The following KCTD1 variants were observed in gnomAD, a reference collection of about 807,000 sequenced individuals.
KCTD1 encodes potassium channel tetramerization domain containing 1.
Under a neutral mutation model 66.0 loss-of-function variants are expected in KCTD1, and 24 were observed. That is an observed-to-expected ratio of 0.36 (90% CI 0.26 to 0.51). KCTD1 has a LOEUF of 0.51. Among genes scored for constraint, KCTD1 ranks in the 20% least tolerant of loss-of-function variants. The probability of loss-of-function intolerance (pLI) is 0.95; values close to 1 mark genes in which losing one functional copy is unlikely to be tolerated. For synonymous variants in KCTD1, 511 were observed against 517.2 expected, an observed-to-expected ratio of 0.99 and a Z score of 0.16; for missense variants, 943 against 1,205.2, an observed-to-expected ratio of 0.78 and a Z score of 3.22.
chr18:26,493,785 C>A (rs1236487412), intron 2 of KCTD1, among the ~76,000 whole-genome samples: 2 of 152,154 alleles, frequency 1.3e-5, no homozygotes, highest in Non-Finnish European at 2.9e-5. Flanking sequence ...CTATCAAATA[C>A]TAGGTCTTAC....
upstream of KCTD1, among the ~76,000 whole-genome samples, chr18:26,642,103 C>G (rs919129797): frequency 1.3e-5 from 2 of 152,164 alleles, no homozygotes. Context: ...TGGGCTTGAT[C>G]TTAAATCACT....
At chr18:26,593,335 A>AGG (rs1986656991) in intron 1 of KCTD1, among the ~76,000 whole-genome samples, 1 of 144,046 alleles carries the variant, frequency 6.9e-6, no homozygotes, top group Non-Finnish European at 1.5e-5. Flanking sequence ...GAGGAGGAGG[A>AGG]AGAGGAGGAA....
chr18:26,646,901 T>A (rs1414578509), intron 1 of KCTD1, among the ~76,000 whole-genome samples: 2 of 151,994 alleles, frequency 1.3e-5, no homozygotes, highest in African/African-American at 4.8e-5. Context: ...GAAAAAAAAA[T>A]AAGAAATGCC....
At chr18:26,582,630 T>C (rs1157795327) in intron 1 of KCTD1, among the ~76,000 whole-genome samples, 1 of 152,184 alleles carries the variant, frequency 6.6e-6, no homozygotes, top group Non-Finnish European at 1.5e-5. Flanking sequence ...TCCCAAAATA[T>C]GGAAAATAAT....
intron 1 of KCTD1, among the ~76,000 whole-genome samples, chr18:26,515,285 G>A (rs187819986): frequency 9.8e-5 from 15 of 152,330 alleles, no homozygotes; most frequent in African/African-American, 3.6e-4. Flanking sequence ...GTAAGGTCCA[G>A]AGGAAGCAGA....
At chr18:26,578,057 C>CTTTTTTTTTTT (rs11381611) in intron 1 of KCTD1, among the ~76,000 whole-genome samples, 9 of 117,032 alleles carry the variant, frequency 7.7e-5, no homozygotes, top group Non-Finnish European at 1.2e-4. Flanking sequence ...TCTTTTCTTT[C>CTTTTTTTTTTT]TTTTTTTTTT....
intron 1 of KCTD1, among the ~76,000 whole-genome samples, chr18:26,563,305 A>G (rs73401472): frequency 0.083 from 12,561 of 152,254 alleles, 773 homozygotes; most frequent in African/African-American, 0.18. Flanking sequence ...GACTATTGGT[A>G]TAAGTTTGTC....
At chr18:26,500,931 C>G in intron 2 of KCTD1, 141 bp downstream of exon 2, 1 of 811,308 alleles carries the variant, frequency 1.2e-6, no homozygotes, top group Non-Finnish European at 1.9e-6. Context: ...GACATCCAGC[C>G]TAGGCAGCAG....
At chr18:26,456,225 T>C (rs1980081265) in intron 4 of KCTD1, 1 of 222,746 alleles carries the variant, frequency 4.5e-6, no homozygotes, top group African/African-American at 2.3e-5. Flanking sequence ...TCAGGTCTGT[T>C]TGGCCTCAAA....
At chr18:26,636,457 C>T (rs1291121595) in intron 1 of KCTD1, among the ~76,000 whole-genome samples, 2 of 152,186 alleles carry the variant, frequency 1.3e-5, no homozygotes, top group East Asian at 3.9e-4. Context: ...TCCTTCCCTG[C>T]TGCCTGAGAC....
chr18:26,549,493 C>A (rs958682700), upstream of KCTD1: 1 of 975,054 alleles, frequency 1.0e-6, no homozygotes, highest in Non-Finnish European at 1.2e-6. Flanking sequence ...GGAGGGGAGA[C>A]GAGGGAAGAG....
chr18:26,628,554 C>T (rs1987550914), intron 1 of KCTD1, among the ~76,000 whole-genome samples: 1 of 151,596 alleles, frequency 6.6e-6, no homozygotes, highest in South Asian at 2.1e-4. Flanking sequence ...AAGCAGTTTG[C>T]ATTTGGGAAA....
intron 1 of KCTD1, among the ~76,000 whole-genome samples, chr18:26,645,963 G>C (rs535183995): frequency 1.3e-5 from 2 of 152,266 alleles, no homozygotes; most frequent in African/African-American, 4.8e-5. Context: ...AAATACTTTG[G>C]GAAGGCTGAT....
At chr18:26,571,618 GTAT>G (rs10573877) in intron 1 of KCTD1, among the ~76,000 whole-genome samples, 12,605 of 151,990 alleles carry the variant, frequency 0.083, 1,299 homozygotes, top group African/African-American at 0.25. Context: ...TTTAATTGTT[GTAT>G]TATTATTTTT....
rs1389784976 is a variant in KCTD1 at position 26,547,910 on chromosome 18, G to C, written c.627C>G (p.Arg209=). The change falls in exon 1 of 5, where the codon CGC becomes CGG. Residue 209 remains arginine (R), a synonymous_variant. Coordinates refer to ENST00000580059, the MANE Select transcript of KCTD1 (RefSeq NM_001142730.3). The part of the protein sequence containing the change: ...MDKGALCRVL[R]SFYAEARSKS... ...TGGAGCGGGCCTCGGCATAGAAGGA[G>C]CGCAGCACGCGGCACAGCGCCCCCT... 1 of 1,543,792 alleles carries C rather than the reference G, an allele frequency of 6.5e-7. No homozygotes were observed. The highest frequency in any genetic ancestry group is 1.7e-4 in the Middle Eastern group (1 of 5,992).
Position 26,476,750 on chromosome 18 carries a change from G to A in KCTD1, c.1989-91C>T. 8.4e-7 allele frequency: 1 copy of A among 1,194,202 alleles called. No homozygotes were observed. The highest frequency in any genetic ancestry group is 1.2e-6 in the Non-Finnish European group (1 of 834,182). 74.0% of individuals were successfully genotyped at this position (1,194,202 alleles called of 1,614,324 possible). ...GTGTCTTTTATCACTGTCAAAGGTA[G>A]CACTTTTGAAGATGGCAGTAGGGAA... On this transcript the variant is annotated intron_variant, in intron 2 of 4. Coordinates refer to ENST00000580059, the MANE Select transcript of KCTD1 (RefSeq NM_001142730.3). The surrounding 1 kb of genome is among the most constrained non-coding windows in gnomAD (Gnocchi z 4.9).
intron 1 of KCTD1, among the ~76,000 whole-genome samples, chr18:26,598,864 G>T (rs1261376710): frequency 6.6e-6 from 1 of 152,102 alleles, no homozygotes; most frequent in Non-Finnish European, 1.5e-5. Flanking sequence ...TTGATGAGTT[G>T]TGAGGGTTCT....
chr18:26,637,482 C>T (rs2145056969), intron 1 of KCTD1, among the ~76,000 whole-genome samples: 1 of 152,304 alleles, frequency 6.6e-6, no homozygotes, highest in South Asian at 2.1e-4. Context: ...TGTGTTAAGG[C>T]TTCTATTATG....
chr18:26,480,222 AATGAACCCCC>A (rs142580169), intron 2 of KCTD1, among the ~76,000 whole-genome samples: 8,405 of 152,156 alleles, frequency 0.055, 754 homozygotes, highest in East Asian at 0.41. Context: ...AAAATAATAG[AATGAACCCCC>A]ATATGACCAT....
Sources: allele counts gnomAD v4.1 joint callset (sites outside exome capture counted in the v4.1 genomes callset), GRCh38; gene constraint gnomAD v4.1.1; non-coding constraint Gnocchi (gnomAD v3.1); transcripts MANE v1.5; gene names NCBI Gene and HGNC (gene_info 2026-07-23, HGNC 2026-07-21).